The following GRID1 variants were observed in gnomAD, a reference collection of about 807,000 sequenced individuals.
The protein encoded by GRID1 is glutamate ionotropic receptor delta type subunit 1.
GRID1 carries 28 observed loss-of-function variants against 98.0 expected under a neutral mutation model. The observed-to-expected ratio is 0.29, with a 90% CI of 0.21 to 0.39. The LOEUF is 0.39. Ranked by LOEUF, GRID1 falls within the 10% of genes least tolerant of loss-of-function variation. The pLI, the probability that GRID1 is intolerant of heterozygous loss-of-function variation, is 1.00. For synonymous variants in GRID1, 553 were observed against 538.5 expected (o/e 1.03, Z -0.37); for missense variants, 1,111 against 1,340.5 (o/e 0.83, Z 2.67).
chr10:86,224,660 G>A (rs1846312227), intron 2 of GRID1, among the ~76,000 whole-genome samples: 1 of 152,200 alleles, frequency 6.6e-6, no homozygotes, highest in South Asian at 2.1e-4. Context: ...GTAAGCTGAG[G>A]AGACAGCCAG....
intron 4 of GRID1, among the ~76,000 whole-genome samples, chr10:86,103,485 CT>C (rs1358962822): frequency 6.6e-6 from 1 of 152,238 alleles, no homozygotes; most frequent in Non-Finnish European, 1.5e-5. Flanking sequence ...GGAGGCTCAA[CT>C]GCACCCCCAG....
chr10:86,217,927 G>C (rs187436969), intron 2 of GRID1, among the ~76,000 whole-genome samples: 4 of 152,032 alleles, frequency 2.6e-5, no homozygotes, highest in Admixed American at 6.5e-5. Flanking sequence ...CCGGGCCACC[G>C]GGCCTGATCC....
At chr10:85,677,440 G>C (rs1236141898) in intron 12 of GRID1, among the ~76,000 whole-genome samples, 3 of 152,204 alleles carry the variant, frequency 2.0e-5, no homozygotes, top group Admixed American at 2.0e-4. Flanking sequence ...ATTGAGAAGA[G>C]AGAAAGGAAA....
At chr10:85,796,178 T>C (rs945308389) in intron 8 of GRID1, among the ~76,000 whole-genome samples, 4 of 152,178 alleles carry the variant, frequency 2.6e-5, no homozygotes, top group African/African-American at 9.7e-5. Flanking sequence ...CAGATAATTC[T>C]GGGAAAACTA....
Position 85,834,995 on chromosome 10 carries a change from T to C in GRID1, c.1233+19501A>G, listed in dbSNP as rs572630837. Among the ~76,000 whole-genome samples the C allele has an allele frequency of 4.6e-5, 7 of 152,146 alleles. No individual in the cohort carries two copies. In the East Asian group the frequency reaches 1.2e-3, roughly 25 times the overall value. On this transcript the variant is annotated intron_variant, in intron 8 of 15. Transcript: ENST00000327946. The stretch of plus-strand genomic sequence containing the variant: ...AACATGGTGGGTTAATGTCAAAAAA[T>C]TCAAAAATATACCATGCAGACATTA...
intron 3 of GRID1, among the ~76,000 whole-genome samples, chr10:86,152,121 G>A (rs1460293743): frequency 1.3e-5 from 2 of 152,210 alleles, no homozygotes; most frequent in Non-Finnish European, 2.9e-5. Flanking sequence ...TCTCAAGAAA[G>A]CCTTCAGAGA....
intron 4 of GRID1, among the ~76,000 whole-genome samples, chr10:86,091,387 G>C (rs1352441413): frequency 6.6e-6 from 1 of 151,988 alleles, no homozygotes; most frequent in Non-Finnish European, 1.5e-5. Flanking sequence ...CTGACAACCT[G>C]CATAACTCAT....
chr10:85,752,703 A>G (rs1466278884), intron 8 of GRID1, among the ~76,000 whole-genome samples: 2 of 152,176 alleles, frequency 1.3e-5, no homozygotes, highest in South Asian at 2.1e-4. Context: ...TATTTTTTCT[A>G]CCTCATAATA....
chr10:85,717,334 G>T (rs927960509), intron 12 of GRID1, among the ~76,000 whole-genome samples: 17 of 152,160 alleles, frequency 1.1e-4, no homozygotes, highest in Non-Finnish European at 2.1e-4. Context: ...AAAAAAAAAG[G>T]TTTAATTGGA....
intron 4 of GRID1, among the ~76,000 whole-genome samples, chr10:86,071,322 G>A (rs1436930781): frequency 6.6e-6 from 1 of 152,196 alleles, no homozygotes; most frequent in African/African-American, 2.4e-5. Context: ...TAACTGCACA[G>A]ATCTCAAATG....
At chr10:85,863,441 C>T (rs1390000304) in intron 6 of GRID1, among the ~76,000 whole-genome samples, 4 of 152,174 alleles carry the variant, frequency 2.6e-5, no homozygotes, top group Admixed American at 6.5e-5. Context: ...ATACAAACAT[C>T]CAGACCATAG....
intron 3 of GRID1, among the ~76,000 whole-genome samples, chr10:86,155,087 C>T (rs569731573): frequency 6.6e-6 from 1 of 152,304 alleles, no homozygotes; most frequent in East Asian, 1.9e-4. Context: ...TATACAGAAG[C>T]CCCTCATTAT....
At chr10:86,034,732 T>C (rs1005932865) in intron 4 of GRID1, among the ~76,000 whole-genome samples, 6 of 152,020 alleles carry the variant, frequency 3.9e-5, no homozygotes, top group Non-Finnish European at 8.8e-5. Flanking sequence ...GCCTGCCTCA[T>C]TGGCGTGTGA....
At chr10:85,730,415 G>A (rs1432267638) in intron 8 of GRID1, among the ~76,000 whole-genome samples, 1 of 152,088 alleles carries the variant, frequency 6.6e-6, no homozygotes, top group Non-Finnish European at 1.5e-5. Context: ...ACTATTAATG[G>A]GGAAGACATA....
intron 12 of GRID1, among the ~76,000 whole-genome samples, chr10:85,675,479 A>G (rs1005190335): frequency 2.6e-5 from 4 of 152,232 alleles, no homozygotes; most frequent in African/African-American, 9.6e-5. Flanking sequence ...AATGACAGAC[A>G]TCTTACGTGT....
chr10:86,121,466 CCATCAT>C (rs1221838447), intron 4 of GRID1, among the ~76,000 whole-genome samples: 2 of 30,992 alleles, frequency 6.5e-5, no homozygotes, highest in Non-Finnish European at 1.5e-4. Context: ...ATCACCATCA[CCATCAT>C]CATCACTACC....
intron 8 of GRID1, among the ~76,000 whole-genome samples, chr10:85,851,851 G>A (rs556610466): frequency 6.6e-6 from 1 of 151,912 alleles, no homozygotes; most frequent in Non-Finnish European, 1.5e-5. Flanking sequence ...GTTTTGGTGT[G>A]GCTCAGGACC....
At chr10:85,992,161 G>A (rs1842688206) in intron 4 of GRID1, among the ~76,000 whole-genome samples, 1 of 151,992 alleles carries the variant, frequency 6.6e-6, no homozygotes, top group Admixed American at 6.5e-5. Flanking sequence ...TAAATAAGGA[G>A]GGAGGAGGAG....
chr10:86,276,553 A>C (rs1317727656), intron 2 of GRID1, among the ~76,000 whole-genome samples: 2 of 150,358 alleles, frequency 1.3e-5, no homozygotes, highest in Non-Finnish European at 3.0e-5. Context: ...CCCAGGCTGG[A>C]GCGCAGTGGC....
Sources: gnomAD v4.1 joint callset for allele counts (sites outside exome capture counted in the v4.1 genomes callset) on GRCh38, gnomAD v4.1.1 for gene constraint, MANE v1.5 for transcripts, NCBI Gene and HGNC (gene_info 2026-07-23, HGNC 2026-07-21) for gene names.